LRRC4C: variants seen among roughly 807,000 people sequenced by gnomAD.
The protein encoded by LRRC4C is leucine-rich repeat-containing protein 4C.
A neutral mutation model predicts 33.6 loss-of-function variants in LRRC4C; 5 were observed. That is an observed-to-expected ratio of 0.15 (90% CI 0.08 to 0.31). The LOEUF (loss-of-function observed/expected upper bound fraction) is 0.31, where lower values mean the gene tolerates loss of function less well. LRRC4C is among the 10% of genes least tolerant of loss of function. LRRC4C has a pLI of 1.00. For missense variants in LRRC4C, 560 were observed against 796.7 expected (o/e 0.70, Z 3.58); for synonymous variants, 329 against 302.0 (o/e 1.09, Z -0.93).
chr11:40,397,682 T>C (rs1462974208), intron 3 of LRRC4C, among the ~76,000 whole-genome samples: 1 of 152,060 alleles, frequency 6.6e-6, no homozygotes, highest in Non-Finnish European at 1.5e-5. Flanking sequence ...AAGTTCAATA[T>C]TGTCTAGCTG....
chr11:40,888,189 C>T (rs752805165), intron 2 of LRRC4C, among the ~76,000 whole-genome samples: 19 of 151,592 alleles, frequency 1.3e-4, no homozygotes, highest in South Asian at 2.1e-4. Context: ...TCTTGTTCTC[C>T]GGAAATAAAT....
intron 3 of LRRC4C, among the ~76,000 whole-genome samples, chr11:40,338,421 T>C (rs1173005401): frequency 6.6e-6 from 1 of 152,198 alleles, no homozygotes; most frequent in East Asian, 1.9e-4. Flanking sequence ...CAAACTTAAT[T>C]GACTACAGAA....
intron 1 of LRRC4C, among the ~76,000 whole-genome samples, chr11:41,273,750 CACAAA>C (rs972263465): frequency 1.3e-5 from 2 of 151,924 alleles, no homozygotes; most frequent in African/African-American, 2.4e-5. Context: ...CCATTTTTAC[CACAAA>C]ACAAAACAAA....
intron 1 of LRRC4C, among the ~76,000 whole-genome samples, chr11:41,243,415 A>G (rs935291952): frequency 6.6e-6 from 1 of 152,178 alleles, no homozygotes; most frequent in African/African-American, 2.4e-5. Flanking sequence ...TATGCTTGCT[A>G]TCTGTGGCAG....
intron 3 of LRRC4C, among the ~76,000 whole-genome samples, chr11:40,518,496 A>G (rs1955666034): frequency 6.6e-6 from 1 of 152,228 alleles, no homozygotes; most frequent in African/African-American, 2.4e-5. Flanking sequence ...GCCAACAAAC[A>G]TGAACAAAAG....
At chr11:40,634,023 C>T (rs1360190866) in intron 3 of LRRC4C, among the ~76,000 whole-genome samples, 3 of 152,100 alleles carry the variant, frequency 2.0e-5, no homozygotes, top group Admixed American at 2.0e-4. Context: ...AAATAGTGGG[C>T]AGGGTATATT....
chr11:40,587,995 T>C (rs1208682489), intron 3 of LRRC4C, among the ~76,000 whole-genome samples: 1 of 152,068 alleles, frequency 6.6e-6, no homozygotes, highest in Non-Finnish European at 1.5e-5. Flanking sequence ...CCTCATAAAA[T>C]GAGTTAGGGA....
rs141675730 is a variant in LRRC4C, at chr11:41,386,415, A to T, written c.-496+73016T>A. On this transcript the variant is annotated intron_variant, in intron 1 of 6. Transcript: ENST00000528697. ...CACACAGCTTCCTCTAATGTCAAGA[A>T]CCGTAACCATGGTAGCACTATTACA... 3.5e-3 allele frequency among the ~76,000 whole-genome samples: 529 copies of T among 151,822 alleles called. 3 individuals are homozygous for T. Among genetic ancestry groups the T allele is most frequent in the Non-Finnish European group, 5.8e-3 (391 of 67,750 alleles).
At chr11:40,236,139 A>C (rs576097185) in intron 5 of LRRC4C, among the ~76,000 whole-genome samples, 59 of 152,182 alleles carry the variant, frequency 3.9e-4, no homozygotes, top group African/African-American at 1.4e-3. Context: ...CCAGGAAAAA[A>C]GCTCTAAGAC....
intron 3 of LRRC4C, among the ~76,000 whole-genome samples, chr11:40,494,688 T>C (rs1440543667): frequency 6.6e-6 from 1 of 152,172 alleles, no homozygotes; most frequent in Admixed American, 6.6e-5. Context: ...GAAAAATTTA[T>C]GATATGTGAA....
intron 2 of LRRC4C, among the ~76,000 whole-genome samples, chr11:40,842,943 G>T (rs1010563535): frequency 1.3e-4 from 20 of 152,112 alleles, no homozygotes. Flanking sequence ...TTAGAGCAGG[G>T]TATAATACAG....
chr11:40,757,490 A>G (rs1394177929), intron 2 of LRRC4C, among the ~76,000 whole-genome samples: 2 of 151,938 alleles, frequency 1.3e-5, no homozygotes, highest in Non-Finnish European at 2.9e-5. Context: ...AAGGAAAAGG[A>G]ATTGTGCCTT....
At chr11:40,546,788 G>T (rs574179234) in intron 3 of LRRC4C, among the ~76,000 whole-genome samples, 8 of 152,164 alleles carry the variant, frequency 5.3e-5, no homozygotes, top group Non-Finnish European at 8.8e-5. Flanking sequence ...CACAACTGGG[G>T]AGGATACTGT....
intron 1 of LRRC4C, among the ~76,000 whole-genome samples, chr11:41,321,807 C>T (rs953072953): frequency 6.6e-6 from 1 of 152,050 alleles, no homozygotes; most frequent in Non-Finnish European, 1.5e-5. Context: ...AAAATTATAG[C>T]AAAGGAGTAG....
intron 2 of LRRC4C, among the ~76,000 whole-genome samples, chr11:40,749,420 T>A (rs1006356384): frequency 1.6e-5 from 2 of 122,090 alleles, no homozygotes; most frequent in Non-Finnish European, 1.7e-5. Flanking sequence ...TTGAAACAAA[T>A]GAAGATGGAA....
chr11:41,086,169 A>T lies in LRRC4C; in HGVS notation c.-495-152446T>A, dbSNP rs138073024. Among the ~76,000 whole-genome samples, 1,023 of 152,226 alleles carry T rather than the reference A, an allele frequency of 6.7e-3. 13 individuals carry two copies. The highest frequency in any genetic ancestry group is 0.023 in the African/African-American group (942 of 41,562). On this transcript the variant is annotated intron_variant, in intron 1 of 6. Transcript: ENST00000528697. Reference sequence around the variant, plus strand: ...ACTTCAAAATAAAGCATGTGCTTCCACTAACACTTTATGCCTTATTTTCAT... The same window carrying T: ...ACTTCAAAATAAAGCATGTGCTTCCTCTAACACTTTATGCCTTATTTTCAT...
chr11:41,351,135 G>A (rs923092959), intron 1 of LRRC4C, among the ~76,000 whole-genome samples: 1 of 151,974 alleles, frequency 6.6e-6, no homozygotes, highest in African/African-American at 2.4e-5. Context: ...CAGCAGGCTG[G>A]GGTGGGAGGA....
chr11:40,960,809 T>C (rs1364675499), intron 1 of LRRC4C, among the ~76,000 whole-genome samples: 1 of 151,740 alleles, frequency 6.6e-6, no homozygotes, highest in African/African-American at 2.4e-5. Flanking sequence ...TGCCAAAGGC[T>C]GTCAGTGGGT....
intron 1 of LRRC4C, among the ~76,000 whole-genome samples, chr11:41,208,316 T>C (rs1185193329): frequency 2.0e-5 from 3 of 152,228 alleles, no homozygotes; most frequent in Non-Finnish European, 4.4e-5. Flanking sequence ...AGTTTTCTTT[T>C]ACTGCTTATA....
Sources: gnomAD v4.1 joint callset for allele counts (sites outside exome capture counted in the v4.1 genomes callset) on GRCh38, gnomAD v4.1.1 for gene constraint, MANE v1.5 for transcripts, NCBI Gene and HGNC (gene_info 2026-07-23, HGNC 2026-07-21) for gene names.